The following SIPA1L1 variants were observed in gnomAD, a reference collection of about 807,000 sequenced individuals.
SIPA1L1 encodes signal induced proliferation associated 1 like 1, also known as signal-induced proliferation-associated 1-like protein 1.
Under a neutral mutation model 162.7 loss-of-function variants are expected in SIPA1L1, and 26 were observed. That is an observed-to-expected ratio of 0.16 (90% confidence interval 0.12 to 0.22). SIPA1L1 has a LOEUF of 0.22. Ranked by LOEUF, SIPA1L1 falls within the 10% of genes least tolerant of loss-of-function variation. SIPA1L1 has a pLI of 1.00. For synonymous variants in SIPA1L1, 829 were observed against 837.4 expected, an observed-to-expected ratio of 0.99 and a Z score of 0.17; for missense variants, 1,874 against 2,241.0, an observed-to-expected ratio of 0.84 and a Z score of 3.31.
intron 8 of SIPA1L1, among the ~76,000 whole-genome samples, chr14:71,651,663 C>A (rs1457733206): frequency 6.6e-6 from 1 of 152,100 alleles, no homozygotes; most frequent in Non-Finnish European, 1.5e-5. Context: ...ATTATCACTA[C>A]CACAAACAGT....
rs1597144777 is a variant in SIPA1L1 at position 71,709,639 on chromosome 14, A to G, written c.4183A>G (p.Ile1395Val). 1 of 1,613,498 alleles carries G rather than the reference A, an allele frequency of 6.2e-7. No homozygotes were observed. Among genetic ancestry groups the G allele is most frequent in the Non-Finnish European group, 8.5e-7 (1 of 1,179,634 alleles). ...PLTRENSTFS[I>V]NDAASHTSTM... ...GACAAGGGAGAACAGCACCTTCAGT[A>G]TAAACGATGCTGCTTCCCACACAAG... The change falls in exon 17 of 24, where the codon ATA (isoleucine) becomes GTA (valine). Residue 1395 changes from isoleucine to valine, a missense_variant. Coordinates refer to ENST00000381232, the MANE Select transcript of SIPA1L1 (RefSeq NM_001386936.1).
chr14:71,423,883 A>G (rs1175810597), intron 2 of SIPA1L1, among the ~76,000 whole-genome samples: 2 of 152,066 alleles, frequency 1.3e-5, no homozygotes, highest in Non-Finnish European at 2.9e-5. Context: ...TTACATCTGT[A>G]TGTTGTTTTG....
chr14:71,714,907 G>T (rs1380346998), intron 17 of SIPA1L1, among the ~76,000 whole-genome samples: 1 of 152,178 alleles, frequency 6.6e-6, no homozygotes, highest in Non-Finnish European at 1.5e-5. Flanking sequence ...AATAATTTCA[G>T]TATATAATAA....
intron 2 of SIPA1L1, among the ~76,000 whole-genome samples, chr14:71,466,879 A>G (rs148458658): frequency 6.6e-6 from 1 of 152,280 alleles, no homozygotes; most frequent in East Asian, 1.9e-4. Flanking sequence ...TTTGATAACA[A>G]TTTTCTCTTC....
rs753134366 is a variant in SIPA1L1, at chr14:71,702,399, A to C, written c.3540A>C (p.Arg1180Ser). The change falls in exon 15 of 24, where the codon AGA (arginine) becomes AGC (serine). Residue 1180 changes from arginine (R) to serine (S), a missense_variant. Arg to Ser is a moderately radical substitution (Grantham distance 110, BLOSUM62 -1). This residue lies in a region of SIPA1L1 where 936 missense variants were observed against 1,051.9 expected (regional missense o/e 0.89). Transcript: ENST00000381232. ...ACCACAGGTTTGGAGTGAGCCGTAG[A>C]TCCCCAGCCTCCATTGACAGGCAGA... Reference protein sequence around the residue: ...SMPEGFGVSRRSPASIDRQNT... With the variant: ...SMPEGFGVSRSSPASIDRQNT... The C allele has an allele frequency of 8.1e-6, 13 of 1,614,118 alleles. No homozygotes were observed. In the South Asian group the frequency reaches 1.4e-4, roughly 18 times the overall value.
chr14:71,345,091 C>T (rs1034345354), intron 2 of SIPA1L1, among the ~76,000 whole-genome samples: 2 of 151,990 alleles, frequency 1.3e-5, no homozygotes, highest in Non-Finnish European at 2.9e-5. Context: ...GGCTAAGAGC[C>T]CAGGTGGGAG....
intron 23 of SIPA1L1, 47 bp from the exon 24 acceptor site, chr14:71,738,971 G>A (rs769194428): frequency 5.1e-5 from 81 of 1,588,804 alleles, no homozygotes; most frequent in Non-Finnish European, 6.6e-5. Context: ...AGCTGGGCAA[G>A]GTGGGGCCAA....
intron 3 of SIPA1L1, among the ~76,000 whole-genome samples, chr14:71,515,533 A>G (rs922770860): frequency 3.3e-5 from 5 of 152,246 alleles, no homozygotes; most frequent in African/African-American, 7.2e-5. Context: ...TGAATCAGCT[A>G]GAACTGTCAC....
chr14:71,682,396 C>T (rs997065359), intron 12 of SIPA1L1, among the ~76,000 whole-genome samples: 3 of 152,172 alleles, frequency 2.0e-5, no homozygotes, highest in African/African-American at 7.2e-5. Flanking sequence ...TTCTACATAA[C>T]GTTCTTCTGT....
At chr14:71,637,604 C>T (rs183286407) in intron 7 of SIPA1L1, among the ~76,000 whole-genome samples, 1 of 151,786 alleles carries the variant, frequency 6.6e-6, no homozygotes, top group East Asian at 1.9e-4. Context: ...CTTGGTGGCT[C>T]ATGTCTGTAG....
chr14:71,323,154 T>A (rs919995287), intron 2 of SIPA1L1, among the ~76,000 whole-genome samples: 2 of 152,238 alleles, frequency 1.3e-5, no homozygotes, highest in Non-Finnish European at 2.9e-5. Flanking sequence ...ATCTTCATTG[T>A]TTAGGAACTT....
At chr14:71,497,933 CTG>C (rs1324436357) in intron 2 of SIPA1L1, 1 of 152,230 alleles carries the variant, frequency 6.6e-6, no homozygotes, top group African/African-American at 2.4e-5. Flanking sequence ...TCACGAGTGA[CTG>C]TATCATTTTT....
chr14:71,489,351 C>T (rs1010658049), intron 2 of SIPA1L1, among the ~76,000 whole-genome samples: 2 of 152,146 alleles, frequency 1.3e-5, no homozygotes, highest in African/African-American at 4.8e-5. Context: ...TATATGTCTG[C>T]TTCTTCAGTC....
chr14:71,699,762 T>C (rs1324793700), intron 14 of SIPA1L1, among the ~76,000 whole-genome samples: 1 of 152,152 alleles, frequency 6.6e-6, no homozygotes, highest in Non-Finnish European at 1.5e-5. Context: ...GGCCAATAAA[T>C]GAAAGTTATA....
intron 2 of SIPA1L1, among the ~76,000 whole-genome samples, chr14:71,354,243 C>T (rs941148802): frequency 6.6e-6 from 1 of 150,746 alleles, no homozygotes; most frequent in South Asian, 2.1e-4. Context: ...TAAAGTAGGC[C>T]GTGTGTCATT....
Position 71,378,933 on chromosome 14 carries a change from A to G in SIPA1L1, c.-465+57752A>G, listed in dbSNP as rs79971480. Reference sequence around the variant, plus strand: ...AAGCTCTGTGTGTGGTGAGGCTGGCATTCCTTTGCCTCTGGATGATCTGTT... The same window carrying G: ...AAGCTCTGTGTGTGGTGAGGCTGGCGTTCCTTTGCCTCTGGATGATCTGTT... On this transcript the variant is annotated intron_variant, in intron 2 of 23. Transcript: ENST00000381232. Among the ~76,000 whole-genome samples the G allele has an allele frequency of 7.0e-3, 1,069 of 152,272 alleles. 6 individuals carry two copies. The highest frequency in any genetic ancestry group is 0.012 in the Non-Finnish European group (812 of 68,026).
Position 71,587,923 on chromosome 14 carries a change from G to A in SIPA1L1, c.51G>A (p.Arg17=). Residue 17 remains arginine, a synonymous_variant, in exon 5 of 24, where the codon AGG becomes AGA. Coordinates refer to ENST00000381232, the MANE Select transcript of SIPA1L1 (RefSeq NM_001386936.1). The part of the protein sequence containing the change: ...SQTERPLATD[R]ASVVGTDGTP... ...CAGAAAGGCCTCTTGCCACTGACAG[G>A]GCCTCTGTTGTTGGCACAGACGGCA... is the stretch of plus-strand genomic sequence containing the variant. 1.2e-6 allele frequency: 2 copies of A among 1,613,514 alleles called. No individual in the cohort carries two copies. Among genetic ancestry groups the A allele is most frequent in the Non-Finnish European group, 1.7e-6 (2 of 1,179,514 alleles).
chr14:71,457,688 A>G (rs933054015), intron 2 of SIPA1L1, among the ~76,000 whole-genome samples: 2 of 151,688 alleles, frequency 1.3e-5, no homozygotes, highest in African/African-American at 4.8e-5. Flanking sequence ...TCCGCCTCCC[A>G]GGTTCAATCA....
chr14:71,478,698 C>G (rs546923648), intron 2 of SIPA1L1, among the ~76,000 whole-genome samples: 4 of 152,132 alleles, frequency 2.6e-5, no homozygotes, highest in Non-Finnish European at 4.4e-5. Context: ...TCCTCCTTCC[C>G]TGGGGTTCCC....
Sources: allele counts gnomAD v4.1 joint callset (sites outside exome capture counted in the v4.1 genomes callset), GRCh38; gene constraint gnomAD v4.1.1; regional missense constraint gnomAD v4.1.1; transcripts MANE v1.5; gene names NCBI Gene and HGNC (gene_info 2026-07-23, HGNC 2026-07-21).